The following AGBL4 variants were observed in gnomAD, a reference collection of about 807,000 sequenced individuals.
AGBL4 encodes the protein cytosolic carboxypeptidase 6.
In AGBL4, 58 loss-of-function variants were observed where a neutral mutation model predicts 66.4. The ratio of observed to expected loss-of-function variants is 0.87; its 90% confidence interval spans 0.71 to 1.09. The LOEUF is 1.09. AGBL4 is among the 50% of genes least tolerant of loss of function. The pLI, the probability that AGBL4 is intolerant of heterozygous loss-of-function variation, is 0.00. For synonymous variants in AGBL4, 234 were observed against 222.9 expected (o/e 1.05, Z -0.44); for missense variants, 579 against 631.0 (o/e 0.92, Z 0.88).
chr1:49,288,498 C>T (rs933481824), intron 3 of AGBL4, among the ~76,000 whole-genome samples: 11 of 152,112 alleles, frequency 7.2e-5, no homozygotes, highest in Admixed American at 3.9e-4. Flanking sequence ...AAGGCCATTG[C>T]GAATTTTAAA....
intron 5 of AGBL4, among the ~76,000 whole-genome samples, chr1:48,900,574 C>A (rs1651987626): frequency 6.6e-6 from 1 of 152,138 alleles, no homozygotes; most frequent in Non-Finnish European, 1.5e-5. Flanking sequence ...CAGAAATAGA[C>A]CCACACATAT....
intron 11 of AGBL4, among the ~76,000 whole-genome samples, chr1:48,581,670 AC>A (rs1255655259): frequency 6.6e-6 from 1 of 152,228 alleles, no homozygotes; most frequent in Non-Finnish European, 1.5e-5. Context: ...TTTCACAAAA[AC>A]AACAAATGAC....
At chr1:48,678,545 G>A (rs1048509348) in intron 6 of AGBL4, among the ~76,000 whole-genome samples, 1 of 152,114 alleles carries the variant, frequency 6.6e-6, no homozygotes. Context: ...GATCTTAGCT[G>A]TCTCCCTCCA....
chr1:49,361,650 A>G (rs1644137876), intron 3 of AGBL4, among the ~76,000 whole-genome samples: 2 of 152,216 alleles, frequency 1.3e-5, no homozygotes, highest in African/African-American at 4.8e-5. Context: ...AATACTTTTT[A>G]GATTATAAAG....
intron 4 of AGBL4, among the ~76,000 whole-genome samples, chr1:49,179,475 T>C (rs557203896): frequency 6.6e-6 from 1 of 152,106 alleles, no homozygotes; most frequent in Admixed American, 6.6e-5. Context: ...GTATTCCTGG[T>C]GCCTCATACT....
chr1:49,797,779 CTT>C (rs938932309), intron 2 of AGBL4, among the ~76,000 whole-genome samples: 3 of 149,422 alleles, frequency 2.0e-5, no homozygotes, highest in African/African-American at 7.4e-5. Flanking sequence ...TTTTTCTTTT[CTT>C]TTTTTTTGAG....
intron 1 of AGBL4, among the ~76,000 whole-genome samples, chr1:49,966,442 G>C (rs1340016047): frequency 6.6e-6 from 1 of 152,078 alleles, no homozygotes; most frequent in East Asian, 1.9e-4. Context: ...AAGTTCTATA[G>C]TGTTCTTAAC....
intron 6 of AGBL4, among the ~76,000 whole-genome samples, chr1:48,695,441 G>T (rs1194245409): frequency 6.6e-6 from 1 of 152,168 alleles, no homozygotes. Flanking sequence ...TATAATCAAA[G>T]CCAATGAATA....
intron 2 of AGBL4, among the ~76,000 whole-genome samples, chr1:49,734,472 A>G (rs1649703800): frequency 6.6e-6 from 1 of 152,198 alleles, no homozygotes; most frequent in Non-Finnish European, 1.5e-5. Context: ...AGAGCAATAT[A>G]TGAAATTCTA....
In AGBL4 at chr1:49,537,884, G is replaced by A. The variant is rs146284440; in HGVS notation, c.282+159429C>T. Among the ~76,000 whole-genome samples the A allele has an allele frequency of 2.7e-3, 405 of 151,146 alleles. 10 individuals are homozygous for A. The East Asian group carries it at 0.061, about 23-fold the overall frequency. ...GGAGCTTGTAGTGAGCCAAGAAAGC[G>A]CCACTGCACTCCAGCCTGGGCGAGA... is the stretch of plus-strand genomic sequence containing the variant. On this transcript the variant is annotated intron_variant, in intron 3 of 13. Transcript: ENST00000371839.
intron 4 of AGBL4, among the ~76,000 whole-genome samples, chr1:49,190,286 T>C (rs954963014): frequency 6.6e-6 from 1 of 152,198 alleles, no homozygotes; most frequent in African/African-American, 2.4e-5. Flanking sequence ...TCTCACAAAA[T>C]AATCTATAGC....
chr1:48,981,174 T>C (rs1659736444), intron 5 of AGBL4, among the ~76,000 whole-genome samples: 1 of 152,188 alleles, frequency 6.6e-6, no homozygotes, highest in Non-Finnish European at 1.5e-5. Flanking sequence ...AACATCTGTG[T>C]ATTTTGTTAC....
intron 3 of AGBL4, among the ~76,000 whole-genome samples, chr1:49,620,941 T>G (rs1645348745): frequency 6.6e-6 from 1 of 152,166 alleles, no homozygotes; most frequent in Non-Finnish European, 1.5e-5. Context: ...TTGTAGGTAA[T>G]TACAATGTTA....
At chr1:49,584,227 T>C (rs763045185) in intron 3 of AGBL4, among the ~76,000 whole-genome samples, 26 of 152,188 alleles carry the variant, frequency 1.7e-4, no homozygotes, top group Non-Finnish European at 3.4e-4. Context: ...GCAGGAAGAT[T>C]AAATAAGAAC....
chr1:49,874,405 G>A (rs1031247598), intron 1 of AGBL4, among the ~76,000 whole-genome samples: 12 of 152,028 alleles, frequency 7.9e-5, no homozygotes, highest in Non-Finnish European at 1.3e-4. Flanking sequence ...TGATTATAGT[G>A]AAGGTTACAT....
At chr1:48,778,393 C>A (rs1435715743) in intron 6 of AGBL4, among the ~76,000 whole-genome samples, 1 of 152,154 alleles carries the variant, frequency 6.6e-6, no homozygotes, top group East Asian at 1.9e-4. Context: ...AATAACATAC[C>A]TTTCCCATCC....
chr1:48,593,786 A>G (rs1468554143), intron 9 of AGBL4, among the ~76,000 whole-genome samples: 1 of 152,138 alleles, frequency 6.6e-6, no homozygotes, highest in South Asian at 2.1e-4. Flanking sequence ...AAAATAATAA[A>G]TTCCTAGAAG....
intron 2 of AGBL4, among the ~76,000 whole-genome samples, chr1:49,714,449 A>G (rs889258323): frequency 6.6e-6 from 1 of 151,864 alleles, no homozygotes. Flanking sequence ...TATAAATGAA[A>G]ACAAGAGGTG....
At chr1:49,104,986 C>G (rs1645267185) in intron 4 of AGBL4, among the ~76,000 whole-genome samples, 1 of 152,196 alleles carries the variant, frequency 6.6e-6, no homozygotes, top group Non-Finnish European at 1.5e-5. Flanking sequence ...GAATTTCAAT[C>G]TCTAGCCTAA....
Sources: allele counts gnomAD v4.1 joint callset (sites outside exome capture counted in the v4.1 genomes callset), GRCh38; gene constraint gnomAD v4.1.1; transcripts MANE v1.5; gene names NCBI Gene and HGNC (gene_info 2026-07-23, HGNC 2026-07-21).